LRBA: variants seen among roughly 807,000 people sequenced by gnomAD.
LRBA encodes the protein LPS responsive beige-like anchor protein.
A neutral mutation model predicts 330.0 loss-of-function variants in LRBA; 176 were observed. The observed-to-expected ratio is 0.53, with a 90% CI of 0.47 to 0.60. LRBA has a LOEUF of 0.60. Among genes scored for constraint, LRBA ranks in the 20% least tolerant of loss-of-function variants. The pLI is 0.00. For missense variants in LRBA, 3,259 were observed against 3,444.8 expected (o/e 0.95, Z 1.35); for synonymous variants, 1,230 against 1,193.0 (o/e 1.03, Z -0.64).
At chr4:150,603,491 T>G (rs879809308) in intron 37 of LRBA, among the ~76,000 whole-genome samples, 37 of 152,010 alleles carry the variant, frequency 2.4e-4, no homozygotes, top group South Asian at 4.1e-4. Context: ...TTTTTGTGGT[T>G]GTTGTTGTTT....
chr4:150,918,853 G>A (rs1290493078), intron 5 of LRBA, among the ~76,000 whole-genome samples: 1 of 152,088 alleles, frequency 6.6e-6, no homozygotes, highest in Non-Finnish European at 1.5e-5. Flanking sequence ...AGCTACTTTG[G>A]AAAACAGTCT....
At chr4:150,472,636 A>G (rs1756271052) in intron 42 of LRBA, among the ~76,000 whole-genome samples, 1 of 152,148 alleles carries the variant, frequency 6.6e-6, no homozygotes, top group Non-Finnish European at 1.5e-5. Flanking sequence ...ACCTATTTAC[A>G]GATAATCTTC....
intron 40 of LRBA, among the ~76,000 whole-genome samples, chr4:150,576,562 G>A (rs747230653): frequency 3.9e-5 from 6 of 151,936 alleles, no homozygotes; most frequent in Non-Finnish European, 7.4e-5. Flanking sequence ...TATTTTTGGT[G>A]ACATCAAATT....
chr4:150,371,694 A>G (rs1740352791), intron 47 of LRBA, among the ~76,000 whole-genome samples: 1 of 151,702 alleles, frequency 6.6e-6, no homozygotes, highest in South Asian at 2.1e-4. Flanking sequence ...GCAATATTAT[A>G]TAACTTATTT....
intron 48 of LRBA, among the ~76,000 whole-genome samples, chr4:150,337,017 G>A (rs142122540): frequency 6.2e-4 from 95 of 152,282 alleles, no homozygotes; most frequent in Middle Eastern, 3.4e-3. Context: ...TAAGTGGAAT[G>A]TCTTCAAAGA....
chr4:150,780,070 T>A (rs1160408211), intron 34 of LRBA, among the ~76,000 whole-genome samples: 2 of 152,182 alleles, frequency 1.3e-5, no homozygotes, highest in Admixed American at 6.5e-5. Flanking sequence ...ATAAGCCATA[T>A]AGAAAACAGC....
intron 55 of LRBA, among the ~76,000 whole-genome samples, chr4:150,279,188 G>T (rs545159272): frequency 2.6e-5 from 4 of 152,152 alleles, no homozygotes; most frequent in Non-Finnish European, 5.9e-5. Context: ...TGCTTTCACA[G>T]GTAGTTGCAG....
chr4:150,475,142 A>T (rs1010827080), intron 42 of LRBA, among the ~76,000 whole-genome samples: 36 of 152,194 alleles, frequency 2.4e-4, no homozygotes, highest in African/African-American at 8.4e-4. Flanking sequence ...AACATTTTAT[A>T]AATCCTTTTT....
intron 36 of LRBA, among the ~76,000 whole-genome samples, chr4:150,724,872 G>GTA (rs1168370931): frequency 1.4e-5 from 2 of 144,642 alleles, no homozygotes; most frequent in Non-Finnish European, 3.0e-5. Context: ...TTAAATATAT[G>GTA]TATATATATA....
Position 150,916,463 on chromosome 4 carries a change from A to G in LRBA, c.832T>C (p.Ser278Pro), listed in dbSNP as rs763435589. The part of the protein sequence containing the change: ...HFVGGCLIVT[S>P]IKSKGKGFQH... ...AAGCCTTTTCCTTTTGACTTTATTG[A>G]TGTTACAATCAAACAGCCTCCAACA... is the stretch of plus-strand genomic sequence containing the variant. The change falls in exon 7 of 57, where the codon TCA becomes CCA. Residue 278 changes from serine to proline, a missense_variant. Transcript: ENST00000651943. 1.2e-5 allele frequency: 19 copies of G among 1,613,730 alleles called. No homozygotes were observed. In the East Asian group the frequency reaches 4.0e-4, roughly 34 times the overall value.
intron 44 of LRBA, among the ~76,000 whole-genome samples, chr4:150,462,340 C>G (rs1754880023): frequency 6.6e-6 from 1 of 151,446 alleles, no homozygotes; most frequent in East Asian, 1.9e-4. Context: ...AGGACTTTTG[C>G]AATACAAGAA....
At chr4:150,816,835 GA>G (rs979587829) in intron 31 of LRBA, among the ~76,000 whole-genome samples, 28 of 151,578 alleles carry the variant, frequency 1.8e-4, no homozygotes, top group African/African-American at 6.5e-4. Context: ...GAAAATAAAG[GA>G]AAAAAATATT....
intron 40 of LRBA, among the ~76,000 whole-genome samples, chr4:150,558,068 T>C (rs1486265664): frequency 1.3e-5 from 2 of 152,158 alleles, no homozygotes; most frequent in Non-Finnish European, 2.9e-5. Context: ...CAGCTAATTT[T>C]TGTTATTTTT....
intron 18 of LRBA, among the ~76,000 whole-genome samples, chr4:150,872,145 G>A (rs1753514797): frequency 6.6e-6 from 1 of 152,096 alleles, no homozygotes. Context: ...TGGCTAACTG[G>A]ATTCCTAAAG....
intron 40 of LRBA, among the ~76,000 whole-genome samples, chr4:150,562,472 C>G (rs1768491905): frequency 6.6e-6 from 1 of 152,110 alleles, no homozygotes; most frequent in Admixed American, 6.6e-5. Context: ...TTCATTTTCT[C>G]TATACATAGG....
At chr4:150,648,400 T>A (rs1779407401) in intron 37 of LRBA, among the ~76,000 whole-genome samples, 1 of 151,798 alleles carries the variant, frequency 6.6e-6, no homozygotes, top group Non-Finnish European at 1.5e-5. Context: ...GAAACCTGAC[T>A]GAAGGAGAAA....
rs189254621 is a variant in LRBA, at chr4:150,535,956, T to C, written c.6331-44921A>G. Among the ~76,000 whole-genome samples, 9 of 152,278 alleles carry C rather than the reference T, an allele frequency of 5.9e-5. No homozygotes were observed. The East Asian group carries it at 1.7e-3, about 29-fold the overall frequency. On this transcript the variant is annotated intron_variant, in intron 40 of 56. Transcript: ENST00000651943. ...AATATGAGGCATACATCATCAACTA[T>C]AGTTCACCTAAAAATATTTACCTTA...
chr4:150,822,954 T>C (rs1419614677), intron 30 of LRBA, among the ~76,000 whole-genome samples: 2 of 152,074 alleles, frequency 1.3e-5, no homozygotes, highest in Non-Finnish European at 2.9e-5. Flanking sequence ...AGCACAGTGT[T>C]ATAAACACAA....
intron 28 of LRBA, among the ~76,000 whole-genome samples, chr4:150,836,401 G>C (rs187528023): frequency 7.9e-4 from 121 of 152,286 alleles, no homozygotes; most frequent in African/African-American, 2.7e-3. Flanking sequence ...TGCACCTCGG[G>C]TGGAATTCAG....
Sources: gnomAD v4.1 joint callset for allele counts (sites outside exome capture counted in the v4.1 genomes callset) on GRCh38, gnomAD v4.1.1 for gene constraint, MANE v1.5 for transcripts, NCBI Gene and HGNC (gene_info 2026-07-23, HGNC 2026-07-21) for gene names.